Variants in ABCB5 observed in about 807,000 individuals in gnomAD.
ABCB5 encodes the protein ATP binding cassette subfamily B member 5.
In ABCB5, 155 loss-of-function variants were observed where a neutral mutation model predicts 144.2. That is an observed-to-expected ratio of 1.08 (90% CI 0.94 to 1.23). ABCB5 has a LOEUF of 1.23. Ranked by LOEUF, ABCB5 falls within the 50% of genes most tolerant of loss-of-function variation. The probability of loss-of-function intolerance (pLI) is 0.00; values close to 1 mark genes in which losing one functional copy is unlikely to be tolerated. For synonymous variants in ABCB5, 610 were observed against 528.6 expected, an observed-to-expected ratio of 1.15 and a Z score of -2.11; for missense variants, 1,830 against 1,520.8, an observed-to-expected ratio of 1.20 and a Z score of -3.38.
intron 27 of ABCB5, among the ~76,000 whole-genome samples, chr7:20,754,378 T>TCTGG (rs1783019884): frequency 6.6e-6 from 1 of 152,248 alleles, no homozygotes; most frequent in Non-Finnish European, 1.5e-5. Context: ...ATCAGACATA[T>TCTGG]CTGGGCTGTA....
chr7:20,659,818 G>T, intron 14 of ABCB5: 2 of 951,982 alleles, frequency 2.1e-6, no homozygotes, highest in Non-Finnish European at 2.5e-6. Context: ...TGAGTAGCTG[G>T]GAGTACAGGC....
intron 16 of ABCB5, among the ~76,000 whole-genome samples, chr7:20,691,536 A>G (rs1031411872): frequency 6.6e-6 from 1 of 151,774 alleles, no homozygotes; most frequent in African/African-American, 2.4e-5. Flanking sequence ...CAGGGCCAGG[A>G]AAAGTTCTTA....
intron 14 of ABCB5, chr7:20,666,703 A>G (rs2128033281): frequency 1.9e-6 from 3 of 1,570,706 alleles, no homozygotes; most frequent in Middle Eastern, 1.8e-4. Flanking sequence ...GCTTTGTGTA[A>G]TCTGTGAAGT....
chr7:20,670,494 A>G (rs964696427), intron 14 of ABCB5, among the ~76,000 whole-genome samples: 2 of 152,104 alleles, frequency 1.3e-5, no homozygotes, highest in African/African-American at 2.4e-5. Context: ...GTGGGAACTC[A>G]GTGTTTACTT....
At chr7:20,632,224 T>C (rs1784055260) in intron 5 of ABCB5, 111 bp downstream of exon 5, 12 of 626,338 alleles carry the variant, frequency 1.9e-5, no homozygotes, top group Non-Finnish European at 3.2e-5. Context: ...ACATAACAAA[T>C]GATTAAAGCA....
intron 1 of ABCB5, among the ~76,000 whole-genome samples, chr7:20,616,261 C>T (rs190518614): frequency 8.5e-5 from 13 of 152,302 alleles, no homozygotes; most frequent in Middle Eastern, 6.8e-3. Flanking sequence ...GTCTCGAACT[C>T]CTGACCTCAG....
chr7:20,725,835 GTTTC>G (rs1782019835), intron 21 of ABCB5, among the ~76,000 whole-genome samples: 2 of 151,996 alleles, frequency 1.3e-5, no homozygotes, highest in Admixed American at 6.6e-5. Flanking sequence ...ACAAATGGAG[GTTTC>G]TTTAAGTCCA....
chr7:20,672,182 A>G (rs930809789), intron 14 of ABCB5, among the ~76,000 whole-genome samples: 6 of 151,986 alleles, frequency 3.9e-5, no homozygotes, highest in African/African-American at 1.2e-4. Context: ...CTGGGTTTTG[A>G]GAATTCTTTA....
intron 20 of ABCB5, among the ~76,000 whole-genome samples, chr7:20,705,645 T>A (rs1786799146): frequency 6.6e-6 from 1 of 152,196 alleles, no homozygotes; most frequent in Non-Finnish European, 1.5e-5. Flanking sequence ...CACTTCTGAA[T>A]AACAGAAAAA....
intron 1 of ABCB5, among the ~76,000 whole-genome samples, chr7:20,619,920 T>A (rs976404399): frequency 6.6e-6 from 1 of 152,146 alleles, no homozygotes; most frequent in Non-Finnish European, 1.5e-5. Flanking sequence ...CCAGCACCAT[T>A]TTTTGGAGTC....
At chr7:20,693,352 C>A (rs1330608136) in intron 16 of ABCB5, among the ~76,000 whole-genome samples, 3 of 151,764 alleles carry the variant, frequency 2.0e-5, no homozygotes, top group Admixed American at 1.3e-4. Flanking sequence ...GGTAACAGAA[C>A]AAGACCCTGT....
chr7:20,697,015 G>A (rs886382198), intron 16 of ABCB5, among the ~76,000 whole-genome samples: 1 of 152,110 alleles, frequency 6.6e-6, no homozygotes. Flanking sequence ...ACCAAATAAG[G>A]TAATTTTGTA....
At chr7:20,652,750 T>C (rs2128026925) in intron 13 of ABCB5, among the ~76,000 whole-genome samples, 1 of 152,316 alleles carries the variant, frequency 6.6e-6, no homozygotes. Flanking sequence ...AAGTATTAGA[T>C]CCTCAGCATC....
chr7:20,673,533 T>A lies in ABCB5; in HGVS notation c.1708-7972T>A, dbSNP rs148465786. 1.4e-4 allele frequency among the ~76,000 whole-genome samples: 21 copies of A among 152,162 alleles called. No homozygotes were observed. In the East Asian group the frequency reaches 3.5e-3, roughly 25 times the overall value. On this transcript the variant is annotated intron_variant, in intron 14 of 27. Coordinates refer to ENST00000404938, the MANE Select transcript of ABCB5 (RefSeq NM_001163941.2). ...GAAATAAACTTATTTACTTTGGTTA[T>A]ATCCTTTTCACTTTAATCTGCTTTA...
At chr7:20,661,836 C>T (rs1363398727) in intron 14 of ABCB5, among the ~76,000 whole-genome samples, 7 of 152,010 alleles carry the variant, frequency 4.6e-5, no homozygotes, top group Admixed American at 3.9e-4. Context: ...CCCAGCGAGA[C>T]CTGAAATGTT....
chr7:20,623,391 C>G (rs911939739), intron 2 of ABCB5, 53 bp downstream of exon 2: 1 of 1,379,650 alleles, frequency 7.2e-7, no homozygotes, highest in Non-Finnish European at 1.0e-6. Flanking sequence ...AAATATAACT[C>G]ATCCTTTCCA....
At chr7:20,670,600 C>G (rs759234457) in intron 14 of ABCB5, among the ~76,000 whole-genome samples, 1 of 152,148 alleles carries the variant, frequency 6.6e-6, no homozygotes, top group Non-Finnish European at 1.5e-5. Context: ...AAAGTAAATG[C>G]GAGACTGAGA....
At chr7:20,739,699 T>G (rs1017286605) in intron 24 of ABCB5, among the ~76,000 whole-genome samples, 1 of 152,322 alleles carries the variant, frequency 6.6e-6, no homozygotes, top group Non-Finnish European at 1.5e-5. Context: ...GGATGAAGAT[T>G]CGTATTAAGG....
chr7:20,699,982 T>C, intron 18 of ABCB5, 53 bp downstream of exon 18: 1 of 1,599,756 alleles, frequency 6.3e-7, no homozygotes, highest in Non-Finnish European at 8.6e-7. Context: ...TGCCATTCTT[T>C]CTATTTGAGT....
Sources: gnomAD v4.1 joint callset for allele counts (sites outside exome capture counted in the v4.1 genomes callset) on GRCh38, gnomAD v4.1.1 for gene constraint, MANE v1.5 for transcripts, NCBI Gene and HGNC (gene_info 2026-07-23, HGNC 2026-07-21) for gene names.